The following TEP1 variants were observed in gnomAD, a reference collection of about 807,000 sequenced individuals.
TEP1 encodes telomerase associated protein 1.
A neutral mutation model predicts 306.3 loss-of-function variants in TEP1; 241 were observed. The ratio of observed to expected loss-of-function variants is 0.79; its 90% CI spans 0.71 to 0.88. The LOEUF (loss-of-function observed/expected upper bound fraction) is 0.88. Ranked by LOEUF, TEP1 falls within the 40% of genes least tolerant of loss-of-function variation. The pLI is 0.00. For synonymous variants in TEP1, 1,289 were observed against 1,305.5 expected, an observed-to-expected ratio of 0.99 and a Z score of 0.27; for missense variants, 3,051 against 3,276.1, an observed-to-expected ratio of 0.93 and a Z score of 1.68.
intron 20 of TEP1, among the ~76,000 whole-genome samples, chr14:20,385,418 G>C (rs1877053310): frequency 6.6e-6 from 1 of 151,574 alleles, no homozygotes. Context: ...TGTCACCCAG[G>C]CTGGAGTGCA....
chr14:20,405,473 A>G lies in TEP1; in HGVS notation c.848T>C (p.Leu283Pro), dbSNP rs750318768. Reference protein sequence around the residue: ...IFEICRELALLEPEFILKASL... With the variant: ...IFEICRELALPEPEFILKASL... ...TACCTTGAGGATAAACTCAGGCTCCAGGAGGGCAAGTTCACGACAGATTTC... is the reference window on the plus strand; with the variant it reads ...TACCTTGAGGATAAACTCAGGCTCCGGGAGGGCAAGTTCACGACAGATTTC... Residue 283 changes from leucine to proline, a missense_variant, in exon 4 of 55, where the codon CTG (leucine) becomes CCG (proline). Transcript: ENST00000262715. 17 of 1,613,970 alleles carry G rather than the reference A, an allele frequency of 1.1e-5. No homozygotes were observed. Among genetic ancestry groups the G allele is most frequent in the Admixed American group, 8.3e-5 (5 of 59,994 alleles).
chr14:20,406,114 G>A, intron 3 of TEP1, 119 bp downstream of exon 3: 2 of 854,962 alleles, frequency 2.3e-6, no homozygotes, highest in Non-Finnish European at 1.8e-6. Flanking sequence ...TGAGAAATAA[G>A]AGCTAGGTTG....
At chr14:20,398,779 C>A (rs1451568984) in intron 9 of TEP1, among the ~76,000 whole-genome samples, 1 of 152,166 alleles carries the variant, frequency 6.6e-6, no homozygotes, top group Non-Finnish European at 1.5e-5. Context: ...TGTGCACCAG[C>A]CCACACCATC....
chr14:20,409,645 G>T (rs561153429), intron 1 of TEP1, among the ~76,000 whole-genome samples: 1 of 152,168 alleles, frequency 6.6e-6, no homozygotes, highest in South Asian at 2.1e-4. Context: ...ACTTTACTTT[G>T]AATCCTCCTT....
At position 20,381,703 on chromosome 14, in the gene TEP1, A is replaced by G. The variant is rs1240043322; in HGVS notation, c.4425-17T>C. On this transcript the variant is annotated splice_polypyrimidine_tract_variant and intron_variant, in intron 30 of 54. Coordinates refer to ENST00000262715, the MANE Select transcript of TEP1 (RefSeq NM_007110.5). The surrounding 1 kb of genome is among the most constrained non-coding windows in gnomAD (Gnocchi z 4.0). ...CCTAGCAAACTGTCCTCGTGTGAGG[A>G]AGGGAGAGAGAAGAAGGAAGAGGCC... The G allele has an allele frequency of 6.3e-7, 1 of 1,583,492 alleles. No individual in the cohort carries two copies. The highest frequency in any genetic ancestry group is 1.9e-5 in the Admixed American group (1 of 52,378).
chr14:20,386,009 C>A, intron 20 of TEP1, 66 bp downstream of exon 20: 2 of 1,516,966 alleles, frequency 1.3e-6, no homozygotes, highest in South Asian at 1.4e-5. Context: ...CAGAGTGTGG[C>A]TTCTCCCAGC....
At chr14:20,408,973 T>C (rs1245043957) in intron 1 of TEP1, among the ~76,000 whole-genome samples, 1 of 152,028 alleles carries the variant, frequency 6.6e-6, no homozygotes, top group Non-Finnish European at 1.5e-5. Flanking sequence ...CCTCGCAATA[T>C]AATCTGGACT....
intron 49 of TEP1, among the ~76,000 whole-genome samples, chr14:20,372,380 ATGTGTGTGTGTGTGTGTG>A (rs59329010): frequency 1.4e-5 from 2 of 139,554 alleles, no homozygotes; most frequent in Non-Finnish European, 3.1e-5. Context: ...GTGTGTGTGT[ATGTGTGTGTGTGTGTGTG>A]TGTGTGTGTG....
At chr14:20,379,206 C>T (rs1327379503) in intron 35 of TEP1, 101 bp from the exon 36 acceptor site, 1 of 1,467,522 alleles carries the variant, frequency 6.8e-7, no homozygotes, top group Admixed American at 2.1e-5. Flanking sequence ...GGCACAAAGG[C>T]CATGAGTCCT....
At chr14:20,396,495 T>C (rs2139143427) in intron 10 of TEP1, 126 bp downstream of exon 10, 1 of 671,540 alleles carries the variant, frequency 1.5e-6, no homozygotes, top group Non-Finnish European at 2.5e-6. Flanking sequence ...ACAGCCCACA[T>C]GGAAACAGCT....
chr14:20,396,534 A>G (rs1878214673), intron 10 of TEP1, 87 bp downstream of exon 10: 5 of 1,163,280 alleles, frequency 4.3e-6, no homozygotes, highest in South Asian at 3.0e-5. Context: ...CTGCCCCCTG[A>G]AAAAGCCTGG....
chr14:20,388,015 T>C lies in TEP1; in HGVS notation c.2574A>G (p.Gln858=), dbSNP rs757533229. Residue 858 remains glutamine (Q), a synonymous_variant, in exon 18 of 55, where the codon CAA becomes CAG. Coordinates refer to ENST00000262715, the MANE Select transcript of TEP1 (RefSeq NM_007110.5). The part of the protein sequence containing the change: ...GASHLLEHVG[Q]MDKIFKIPPP... ...GTGGAATCTTGAATATTTTGTCCAT[T>C]TGGCCCACATGTTCCAGAAGATGGG... 4.3e-6 allele frequency: 7 copies of C among 1,614,024 alleles called. No homozygotes were observed. Among genetic ancestry groups the C allele is most frequent in the Middle Eastern group, 1.6e-4 (1 of 6,084 alleles).
intron 50 of TEP1, 38 bp from the exon 51 acceptor site, chr14:20,371,352 T>G (rs1436939441): frequency 6.3e-6 from 10 of 1,599,468 alleles, no homozygotes; most frequent in East Asian, 4.5e-5. Flanking sequence ...GCTCAGGATT[T>G]AAAGAGAGGT....
Position 20,381,270 on chromosome 14 carries a change from G to GC in TEP1, c.4647+42dup. On this transcript the variant is annotated intron_variant, in intron 32 of 54. Coordinates refer to ENST00000262715, the MANE Select transcript of TEP1 (RefSeq NM_007110.5). The surrounding 1 kb of genome is among the most constrained non-coding windows in gnomAD (Gnocchi z 4.0). Reference sequence around the variant, plus strand: ...GGAGAGGGGTCTCAGAGCAACCAAAGCACTCACTTTGGGAAAGGTGTCTAT... The same window carrying GC: ...GGAGAGGGGTCTCAGAGCAACCAAAGCCACTCACTTTGGGAAAGGTGTCTAT... 1 of 1,594,148 alleles carries GC rather than the reference G, an allele frequency of 6.3e-7. No homozygotes were observed. The highest frequency in any genetic ancestry group is 8.6e-7 in the Non-Finnish European group (1 of 1,161,800).
At position 20,381,765 on chromosome 14, in the gene TEP1, T is replaced by TC. The variant is rs572021538; in HGVS notation, c.4425-80dup. 4.0e-4 allele frequency: 611 copies of TC among 1,534,150 alleles called. 3 individuals carry two copies. In the African/African-American group the frequency reaches 7.7e-3, roughly 19 times the overall value. On this transcript the variant is annotated intron_variant, in intron 30 of 54. Coordinates refer to ENST00000262715, the MANE Select transcript of TEP1 (RefSeq NM_007110.5). The surrounding 1 kb of genome is among the most constrained non-coding windows in gnomAD (Gnocchi z 4.0). ...TTCCTGGCACACAGTGGGCTCCTAT[T>TC]CCCCCCTCAAATAGCGGAAACTGGA...
At chr14:20,386,326 C>T in intron 19 of TEP1, 121 bp downstream of exon 19, 1 of 1,582,634 alleles carries the variant, frequency 6.3e-7, no homozygotes, top group Non-Finnish European at 8.6e-7. Context: ...TTGTTAGTAT[C>T]CAAGGAGCGA....
intron 1 of TEP1, among the ~76,000 whole-genome samples, chr14:20,410,541 G>A (rs1264029158): frequency 6.6e-6 from 1 of 151,332 alleles, no homozygotes; most frequent in African/African-American, 2.4e-5. Flanking sequence ...TCCTGCCTCA[G>A]CCTCCCGAGT....
At chr14:20,402,898 T>G (rs1878865475) in intron 7 of TEP1, among the ~76,000 whole-genome samples, 1 of 152,094 alleles carries the variant, frequency 6.6e-6, no homozygotes, top group Admixed American at 6.6e-5. Context: ...GTGGCTCACA[T>G]CTGTAATTCC....
intron 22 of TEP1, 34 bp downstream of exon 22, chr14:20,384,566 T>C (rs781252389): frequency 1.9e-6 from 3 of 1,613,532 alleles, no homozygotes; most frequent in East Asian, 4.5e-5. Context: ...TCACCACATC[T>C]CTGTACAGGT....
Sources: allele counts gnomAD v4.1 joint callset (sites outside exome capture counted in the v4.1 genomes callset), GRCh38; gene constraint gnomAD v4.1.1; non-coding constraint Gnocchi (gnomAD v3.1); transcripts MANE v1.5; gene names NCBI Gene and HGNC (gene_info 2026-07-23, HGNC 2026-07-21).